NTRK3: variants seen among roughly 807,000 people sequenced by gnomAD.
The protein encoded by NTRK3 is neurotrophic receptor tyrosine kinase 3.
NTRK3 carries 24 observed loss-of-function variants against 91.7 expected under a neutral mutation model. The observed-to-expected ratio is 0.26, with a 90% CI of 0.19 to 0.37. NTRK3 has a LOEUF of 0.37. NTRK3 is among the 10% of genes least tolerant of loss of function. The pLI is 1.00. For missense variants in NTRK3, 880 were observed against 1,068.9 expected, an observed-to-expected ratio of 0.82 and a Z score of 2.46; for synonymous variants, 483 against 404.0, an observed-to-expected ratio of 1.20 and a Z score of -2.34.
At chr15:88,058,178 G>C (rs2045895511) in intron 13 of NTRK3, among the ~76,000 whole-genome samples, 1 of 152,158 alleles carries the variant, frequency 6.6e-6, no homozygotes, top group African/African-American at 2.4e-5. Context: ...GTAGGAACTT[G>C]GATCGCTTTG....
chr15:88,252,752 G>A (rs1037781195), intron 3 of NTRK3: 5 of 152,272 alleles, frequency 3.3e-5, no homozygotes, highest in African/African-American at 9.7e-5. Flanking sequence ...AAAGGCAAAG[G>A]GATTGGCCTC....
At chr15:88,236,533 A>G (rs2051761799) in intron 3 of NTRK3, among the ~76,000 whole-genome samples, 1 of 150,080 alleles carries the variant, frequency 6.7e-6, no homozygotes, top group East Asian at 2.0e-4. Context: ...AAAAAAAAAA[A>G]AAAAAATTGT....
chr15:88,052,155 G>A (rs2080888478), intron 13 of NTRK3, among the ~76,000 whole-genome samples: 1 of 152,200 alleles, frequency 6.6e-6, no homozygotes, highest in Non-Finnish European at 1.5e-5. Context: ...ATGTATTATA[G>A]AATAAGTGAT....
chr15:87,913,892 T>C (rs1293237883), intron 17 of NTRK3, among the ~76,000 whole-genome samples: 2 of 152,140 alleles, frequency 1.3e-5, no homozygotes, highest in African/African-American at 2.4e-5. Context: ...GAAGAAATAA[T>C]GTATCTCTCA....
At chr15:88,244,971 A>C (rs1023026078) in intron 3 of NTRK3, among the ~76,000 whole-genome samples, 4 of 152,240 alleles carry the variant, frequency 2.6e-5, no homozygotes, top group South Asian at 2.1e-4. Context: ...GGGGCTGCAG[A>C]GTGGGGAAGG....
intron 17 of NTRK3, among the ~76,000 whole-genome samples, chr15:87,924,663 T>C (rs2068143363): frequency 1.3e-5 from 2 of 152,294 alleles, no homozygotes; most frequent in Middle Eastern, 3.4e-3. Context: ...TTCCACATCA[T>C]CTCCAAAGGC....
chr15:87,942,796 C>T (rs540773790), intron 14 of NTRK3, among the ~76,000 whole-genome samples: 1 of 152,272 alleles, frequency 6.6e-6, no homozygotes, highest in African/African-American at 2.4e-5. Context: ...ATTACCTGAG[C>T]ATGGAAGTTT....
At chr15:88,032,831 G>T (rs779989703) in intron 14 of NTRK3, 26 bp downstream of exon 14, 1 of 1,613,026 alleles carries the variant, frequency 6.2e-7, no homozygotes, top group African/African-American at 1.3e-5. Context: ...TCCCCAGGAG[G>T]GAGAGCATTC....
intron 3 of NTRK3, among the ~76,000 whole-genome samples, chr15:88,229,936 A>T (rs2051026323): frequency 6.6e-6 from 1 of 152,236 alleles, no homozygotes; most frequent in South Asian, 2.1e-4. Flanking sequence ...CATTGTACAG[A>T]ACTGGGTAGC....
exon 19 of NTRK3, chr15:87,865,456 C>T (rs373706879): frequency 3.7e-5 from 8 of 214,344 alleles, no homozygotes; most frequent in South Asian, 3.7e-4. Context: ...CCCACTCACA[C>T]GTATTTTTGT....
intron 3 of NTRK3, among the ~76,000 whole-genome samples, chr15:88,193,514 C>T (rs946258555): frequency 3.3e-5 from 5 of 152,174 alleles, no homozygotes; most frequent in African/African-American, 1.2e-4. Context: ...ATCTTTTCCA[C>T]CTTTCCTGTC....
intron 14 of NTRK3, among the ~76,000 whole-genome samples, chr15:87,963,437 C>G (rs2072490297): frequency 6.6e-6 from 1 of 152,200 alleles, no homozygotes; most frequent in Non-Finnish European, 1.5e-5. Flanking sequence ...TGGGGAATCT[C>G]ATTCTCATAT....
At chr15:88,090,110 C>T (rs1018658202) in intron 13 of NTRK3, among the ~76,000 whole-genome samples, 1 of 152,156 alleles carries the variant, frequency 6.6e-6, no homozygotes, top group African/African-American at 2.4e-5. Context: ...TCGGCTTGCA[C>T]TCATTCAAGT....
At chr15:88,006,623 G>C (rs1478417785) in intron 14 of NTRK3, among the ~76,000 whole-genome samples, 1 of 152,216 alleles carries the variant, frequency 6.6e-6, no homozygotes, top group Non-Finnish European at 1.5e-5. Context: ...CCATGGGATG[G>C]CATGATTCTG....
intron 11 of NTRK3, 104 bp downstream of exon 11, chr15:88,128,607 G>T: frequency 8.1e-7 from 1 of 1,241,254 alleles, no homozygotes; most frequent in Non-Finnish European, 1.2e-6. Flanking sequence ...CAGCTGCCAT[G>T]GGCCAGGGAT....
At chr15:88,135,832 C>A in intron 9 of NTRK3, 67 bp downstream of exon 9, 1 of 1,592,288 alleles carries the variant, frequency 6.3e-7, no homozygotes, top group Non-Finnish European at 8.6e-7. Flanking sequence ...ACACCTTGGC[C>A]CCTCTCCAGC....
At chr15:88,096,421 C>A (rs765712410) in intron 13 of NTRK3, among the ~76,000 whole-genome samples, 40 of 152,118 alleles carry the variant, frequency 2.6e-4, no homozygotes, top group Non-Finnish European at 1.3e-4. Flanking sequence ...TGGAGAAGAC[C>A]CTACTTCACC....
chr15:88,073,862 GA>G (rs771957689), intron 13 of NTRK3, among the ~76,000 whole-genome samples: 6 of 151,916 alleles, frequency 3.9e-5, no homozygotes, highest in South Asian at 2.1e-4. Flanking sequence ...GGAAGACTGA[GA>G]AAAAAGCATG....
rs563184398 is a variant in NTRK3, at chr15:88,123,698, G to A, written c.1396+2573C>T. On this transcript the variant is annotated intron_variant, in intron 13 of 18. Coordinates refer to ENST00000394480, the Ensembl canonical transcript of NTRK3. The stretch of plus-strand genomic sequence containing the variant: ...TACATGTAAGATGTACATTAGTTCC[G>A]ACCAGAAAGGCAGGACAACTGGAAG... Among the ~76,000 whole-genome samples the A allele has an allele frequency of 5.9e-5, 9 of 152,258 alleles. No homozygotes were observed. The East Asian group carries it at 1.7e-3, about 29-fold the overall frequency.
Sources: allele counts gnomAD v4.1 joint callset (sites outside exome capture counted in the v4.1 genomes callset), GRCh38; gene constraint gnomAD v4.1.1; transcripts MANE v1.5; gene names NCBI Gene and HGNC (gene_info 2026-07-23, HGNC 2026-07-21).